Variants in PLRG1 observed in about 807,000 individuals in gnomAD.
PLRG1 encodes pleiotropic regulator 1.
A neutral mutation model predicts 74.9 loss-of-function variants in PLRG1; 28 were observed. The observed-to-expected ratio is 0.37, with a 90% CI of 0.28 to 0.51. The LOEUF is 0.51. Among genes scored for constraint, PLRG1 ranks in the 20% least tolerant of loss-of-function variants. The pLI is 0.91. For synonymous variants in PLRG1, 197 were observed against 212.4 expected (o/e 0.93, Z 0.63); for missense variants, 445 against 631.9 (o/e 0.70, Z 3.17).
chr4:154,539,356 T>C (rs2111101140), intron 11 of PLRG1, 143 bp from the exon 12 acceptor site: 1 of 585,450 alleles, frequency 1.7e-6, no homozygotes, highest in East Asian at 2.7e-5. Flanking sequence ...GGCTAATTTC[T>C]TCATAGTTCC....
At chr4:154,542,398 T>C (rs1488213412) in intron 7 of PLRG1, 119 bp from the exon 8 acceptor site, 16 of 640,332 alleles carry the variant, frequency 2.5e-5, no homozygotes, top group Non-Finnish European at 4.3e-5. Context: ...TAATGACTAT[T>C]ACATTTTACA....
At chr4:154,540,350 G>A in intron 10 of PLRG1, 1 of 583,224 alleles carries the variant, frequency 1.7e-6, no homozygotes, top group Non-Finnish European at 3.0e-6. Context: ...AGTTGTTACA[G>A]AATGGAACGT....
chr4:154,549,673 A>G, intron 1 of PLRG1: 4 of 456,330 alleles, frequency 8.8e-6, no homozygotes, highest in African/African-American at 2.0e-5. Context: ...CGTTTTAAAC[A>G]GAACAACTTA....
At chr4:154,541,835 A>T (rs1345485019) in intron 8 of PLRG1, 1 of 175,820 alleles carries the variant, frequency 5.7e-6, no homozygotes, top group African/African-American at 2.4e-5. Flanking sequence ...CCAAATATCT[A>T]ACAATGGTAG....
intron 13 of PLRG1, 24 bp downstream of exon 13, chr4:154,537,945 T>C (rs1465914091): frequency 2.3e-6 from 3 of 1,326,538 alleles, no homozygotes; most frequent in Non-Finnish European, 2.1e-6. Context: ...ACTAAACATA[T>C]TTATTATAAA....
At chr4:154,549,565 T>TCTG (rs1729721242) in intron 1 of PLRG1, 1 of 406,922 alleles carries the variant, frequency 2.5e-6, no homozygotes, top group Non-Finnish European at 4.9e-6. Flanking sequence ...AAGGTCCAGA[T>TCTG]TAGGTAAGGT....
intron 1 of PLRG1, 145 bp downstream of exon 1, chr4:154,550,155 G>T (rs1175754027): frequency 3.9e-6 from 3 of 779,102 alleles, no homozygotes; most frequent in Non-Finnish European, 6.7e-6. Context: ...AAAACCCGAA[G>T]AAGAGACCAC....
At position 154,536,465 on chromosome 4, in the gene PLRG1, A is replaced by G; in HGVS notation, c.*220T>C. 2.1e-6 allele frequency: 1 copy of G among 468,598 alleles called. No homozygotes were observed. The highest frequency in any genetic ancestry group is 2.0e-5 in the African/African-American group (1 of 49,608). 29.0% of individuals were successfully genotyped at this position (468,598 alleles called of 1,614,324 possible). On this transcript the variant is annotated 3_prime_UTR_variant, in exon 15 of 15. Coordinates refer to ENST00000499023, the MANE Select transcript of PLRG1 (RefSeq NM_002669.4). ...AAACCTGCATTTACTTGATATCTGC[A>G]TCTTCCTAGTATCACAAATTGTTTT...
chr4:154,537,459 G>A lies in PLRG1; in HGVS notation c.1312C>T (p.Leu438Phe). 1.2e-6 allele frequency: 2 copies of A among 1,613,096 alleles called. No individual in the cohort carries two copies. The highest frequency in any genetic ancestry group is 1.7e-6 in the Non-Finnish European group (2 of 1,179,342). Residue 438 changes from leucine to phenylalanine, a missense_variant, in exon 14 of 15, where the codon CTT becomes TTT. Physicochemically the swap from Leu to Phe is conservative, Grantham distance 22. Coordinates refer to ENST00000499023, the MANE Select transcript of PLRG1 (RefSeq NM_002669.4). ...VSGADNGTMH[L>F]WDWRTGYNFQ... ...TTGTAGCCAGTTCTCCAGTCCCAAA[G>A]ATGCATGGTGCCATTGTCAGCTTAA...
At chr4:154,543,281 G>A (rs1360925699) in intron 7 of PLRG1, among the ~76,000 whole-genome samples, 1 of 152,082 alleles carries the variant, frequency 6.6e-6, no homozygotes, top group Non-Finnish European at 1.5e-5. Context: ...TGGAGTAGCT[G>A]GGACTACAGG....
intron 13 of PLRG1, 71 bp from the exon 14 acceptor site, chr4:154,537,550 T>C (rs1459471846): frequency 1.9e-6 from 2 of 1,065,378 alleles, no homozygotes; most frequent in Admixed American, 1.9e-5. Context: ...TTATGAAGCA[T>C]CATTAGCCCA....
chr4:154,548,568 T>C (rs1729700153), intron 2 of PLRG1, among the ~76,000 whole-genome samples: 1 of 152,086 alleles, frequency 6.6e-6, no homozygotes, highest in Non-Finnish European at 1.5e-5. Context: ...ACATACAAAG[T>C]GATTGATTAT....
At chr4:154,538,648 C>T (rs1417090214) in intron 12 of PLRG1, among the ~76,000 whole-genome samples, 1 of 152,012 alleles carries the variant, frequency 6.6e-6, no homozygotes, top group African/African-American at 2.4e-5. Context: ...TGATCTGATA[C>T]ACCAAACAAT....
At chr4:154,547,927 T>A in intron 2 of PLRG1, 74 bp from the exon 3 acceptor site, 1 of 1,149,438 alleles carries the variant, frequency 8.7e-7, no homozygotes, top group Non-Finnish European at 1.2e-6. Context: ...AGTTTGCCCA[T>A]TCACGTAGAA....
At chr4:154,543,513 G>T (rs563402730) in intron 7 of PLRG1, among the ~76,000 whole-genome samples, 13 of 151,954 alleles carry the variant, frequency 8.6e-5, no homozygotes, top group African/African-American at 2.9e-4. Flanking sequence ...TATTATGTTA[G>T]CCATAAAAAT....
rs1221464484 is a variant in PLRG1 at position 154,539,202 on chromosome 4, T to C, written c.1054A>G (p.Thr352Ala). Residue 352 changes from threonine (T) to alanine (A), a missense_variant, in exon 12 of 15, where the codon ACT becomes GCT. Physicochemically the swap from Thr to Ala is moderately conservative, Grantham distance 58. Coordinates refer to ENST00000499023, the MANE Select transcript of PLRG1 (RefSeq NM_002669.4). ...ACCAGATCCCATAATCGAATTGTAG[T>C]ATCATGGCTTCCTGTAATGGAAACA... ...EPQIITGSHD[T>A]TIRLWDLVAG... 3 of 1,596,748 alleles carry C rather than the reference T, an allele frequency of 1.9e-6. No homozygotes were observed. The highest frequency in any genetic ancestry group is 2.2e-5 in the East Asian group (1 of 44,796).
Position 154,544,580 on chromosome 4 carries a change from A to G in PLRG1, c.493-34T>C, listed in dbSNP as rs371288692. 1.0e-5 allele frequency: 12 copies of G among 1,158,472 alleles called. No homozygotes were observed. In the African/African-American group the frequency reaches 1.5e-4, roughly 15 times the overall value. The allele number at this position is 1,158,472 out of a possible 1,614,324, so 71.8% of individuals were successfully genotyped here. On this transcript the variant is annotated intron_variant, in intron 6 of 14. Coordinates refer to ENST00000499023, the MANE Select transcript of PLRG1 (RefSeq NM_002669.4). ...AGAAGAGACATTATTATTATTAAAG[A>G]CATCATACCTAAGGCTTCATGATAT... is the stretch of plus-strand genomic sequence containing the variant.
In PLRG1 at chr4:154,540,009, T is replaced by C. The variant is rs150052708; in HGVS notation, c.984A>G (p.Gly328=). 24 of 1,603,064 alleles carry C rather than the reference T, an allele frequency of 1.5e-5. No individual in the cohort carries two copies. Among genetic ancestry groups the C allele is most frequent in the Non-Finnish European group, 2.1e-5 (24 of 1,170,158 alleles). ...RTKASVHTLS[G]HTNAVATVRC... is the part of the protein sequence containing the mutation. ...TCACTGTAGCAACTGCATTTGTATG[T>C]CCAGATAATGTGTGTACACTGGCTT... The change falls in exon 11 of 15, where the codon GGA becomes GGG. Residue 328 remains glycine, a synonymous_variant. Coordinates refer to ENST00000499023, the MANE Select transcript of PLRG1 (RefSeq NM_002669.4).
chr4:154,542,504 T>C (rs1729572350), intron 7 of PLRG1, among the ~76,000 whole-genome samples: 1 of 152,216 alleles, frequency 6.6e-6, no homozygotes, highest in Non-Finnish European at 1.5e-5. Context: ...GAATACATTA[T>C]TAATACTTGC....
Sources: gnomAD v4.1 joint callset for allele counts (sites outside exome capture counted in the v4.1 genomes callset) on GRCh38, gnomAD v4.1.1 for gene constraint, MANE v1.5 for transcripts, NCBI Gene and HGNC (gene_info 2026-07-23, HGNC 2026-07-21) for gene names.